The following RXRA variants were observed in gnomAD, a reference collection of about 807,000 sequenced individuals.
The protein encoded by RXRA is retinoid X receptor alpha, also known as retinoic acid receptor RXR-alpha.
RXRA carries 5 observed loss-of-function variants against 44.5 expected under a neutral mutation model. That is an observed-to-expected ratio of 0.11 (90% confidence interval 0.06 to 0.24). The LOEUF (loss-of-function observed/expected upper bound fraction) is 0.24, where lower values mean the gene tolerates loss of function less well. RXRA is among the 10% of genes least tolerant of loss of function. RXRA has a pLI of 1.00. For synonymous variants in RXRA, 291 were observed against 271.4 expected (o/e 1.07, Z -0.71); for missense variants, 412 against 646.5 (o/e 0.64, Z 3.93).
chr9:134,401,811 T>A lies in RXRA; in HGVS notation c.208T>A (p.Ser70Thr). The A allele has an allele frequency of 6.2e-7, 1 of 1,611,846 alleles. No individual in the cohort carries two copies. Among genetic ancestry groups the A allele is most frequent in the South Asian group, 1.1e-5 (1 of 90,966 alleles). The change falls in exon 2 of 10, where the codon TCC becomes ACC. Residue 70 changes from serine (S) to threonine (T), a missense_variant. By Grantham distance (58) the Ser-to-Thr change is moderately conservative. Coordinates refer to ENST00000481739, the MANE Select transcript of RXRA (RefSeq NM_002957.6). ...GMGPPFSVIS[S>T]PMGPHSMSVP... ...GGGCCCGCCTTTCTCGGTCATCAGC[T>A]CCCCCATGGGCCCCCACTCCATGTC...
At chr9:134,400,154 C>G (rs926168017) in intron 1 of RXRA, among the ~76,000 whole-genome samples, 5 of 152,206 alleles carry the variant, frequency 3.3e-5, no homozygotes, top group African/African-American at 1.2e-4. Context: ...AAGCTCATGC[C>G]ATGTCTTCCT....
At position 134,436,722 on chromosome 9, in the gene RXRA, T is replaced by G; in HGVS notation, c.*108T>G. On this transcript the variant is annotated 3_prime_UTR_variant, in exon 10 of 10. Transcript: ENST00000481739. Reference sequence around the variant, plus strand: ...CCTGCCCTTCTCTGCCTGGCCTGTTTGGACTTTGGGGCACAGCCTGTCACT... The same window carrying G: ...CCTGCCCTTCTCTGCCTGGCCTGTTGGGACTTTGGGGCACAGCCTGTCACT... The G allele has an allele frequency of 7.5e-7, 1 of 1,330,688 alleles. No homozygotes were observed. The highest frequency in any genetic ancestry group is 1.0e-6 in the Non-Finnish European group (1 of 960,362). The allele number at this position is 1,330,688 out of a possible 1,614,324, so 82.4% of individuals were successfully genotyped here. A position where few individuals can be genotyped will look rare whatever the true frequency, so the allele number is the denominator to read the frequency against.
At chr9:134,400,927 G>A (rs7869783) in intron 1 of RXRA, among the ~76,000 whole-genome samples, 20,343 of 152,176 alleles carry the variant, frequency 0.13, 4,468 homozygotes, top group African/African-American at 0.46. Flanking sequence ...GGGCCTGAGC[G>A]TCCGGTGCCC....
At chr9:134,386,989 A>G (rs1257105129) in intron 1 of RXRA, among the ~76,000 whole-genome samples, 1 of 152,156 alleles carries the variant, frequency 6.6e-6, no homozygotes, top group Non-Finnish European at 1.5e-5. Context: ...TCCTGGGCCC[A>G]GCGTTGGGAC....
chr9:134,427,001 G>A, intron 6 of RXRA: 1 of 985,126 alleles, frequency 1.0e-6, no homozygotes, highest in Non-Finnish European at 1.2e-6. Context: ...AGCCGTAGGA[G>A]GGGCAGGAGT....
rs1452359374 is a variant in RXRA at position 134,425,981 on chromosome 9, C to T, written c.911-3127C>T. The T allele has an allele frequency of 6.1e-6, 6 of 985,304 alleles. No homozygotes were observed. In the East Asian group the frequency reaches 3.4e-4, roughly 56 times the overall value. The allele number at this position is 985,304 out of a possible 1,614,324, so 61.0% of individuals were successfully genotyped here. A position where few individuals can be genotyped will look rare whatever the true frequency, so the allele number is the denominator to read the frequency against. On this transcript the variant is annotated intron_variant, in intron 6 of 9. Transcript: ENST00000481739. ...GAGGCCCCAGCTTCCCCACCTGACC[C>T]TTGACTCTGTGCTGTTCCTTCCGGA...
chr9:134,408,073 C>T, intron 2 of RXRA, 76 bp from the exon 3 acceptor site: 1 of 1,164,314 alleles, frequency 8.6e-7, no homozygotes. Flanking sequence ...CTGCGCCATC[C>T]TTGCTGCAGG....
rs377157231 is a variant in RXRA, at chr9:134,343,576, C to T, written c.28+16917C>T. The stretch of plus-strand genomic sequence containing the variant: ...ACCATCCTAGGACCTAGAAATTGCT[C>T]GGGGCCAGGAAGCGAGACCAGTCAC... On this transcript the variant is annotated intron_variant, in intron 1 of 9. Coordinates refer to ENST00000481739, the MANE Select transcript of RXRA (RefSeq NM_002957.6). The surrounding 1 kb of genome is among the most constrained non-coding windows in gnomAD (Gnocchi z 4.1). 8.0e-4 allele frequency among the ~76,000 whole-genome samples: 122 copies of T among 152,152 alleles called. No homozygotes were observed. The highest frequency in any genetic ancestry group is 6.8e-4 in the Non-Finnish European group (46 of 67,996).
chr9:134,423,984 G>A (rs899438375), intron 6 of RXRA: 43 of 982,550 alleles, frequency 4.4e-5, no homozygotes, highest in Non-Finnish European at 5.2e-5. Context: ...GGTCCGAGTC[G>A]GGTTGGATGG....
chr9:134,397,619 G>A (rs1225234456), intron 1 of RXRA, among the ~76,000 whole-genome samples: 2 of 152,208 alleles, frequency 1.3e-5, no homozygotes, highest in African/African-American at 2.4e-5. Flanking sequence ...CTGCTCTTCC[G>A]TTTAGCCCTG....
intron 1 of RXRA, among the ~76,000 whole-genome samples, chr9:134,339,986 T>C (rs992967461): frequency 2.0e-5 from 3 of 152,296 alleles, no homozygotes; most frequent in Admixed American, 2.0e-4. Context: ...TGCATGTGTG[T>C]TCCTCTGTGC....
Position 134,365,771 on chromosome 9 carries a change from G to A in RXRA, c.29-35861G>A, listed in dbSNP as rs1026516997. 6.6e-6 allele frequency among the ~76,000 whole-genome samples: 1 copy of A among 151,944 alleles called. No individual in the cohort carries two copies. The highest frequency in any genetic ancestry group is 2.4e-5 in the African/African-American group (1 of 41,358). The stretch of plus-strand genomic sequence containing the variant: ...GTGGGGCCAGCTGTCGGTGGGTGAG[G>A]TGCCCCAGGGGAAGGGAGGGCCAGC... On this transcript the variant is annotated intron_variant, in intron 1 of 9. Coordinates refer to ENST00000481739, the MANE Select transcript of RXRA (RefSeq NM_002957.6). The surrounding 1 kb of genome is among the most constrained non-coding windows in gnomAD (Gnocchi z 4.0).
At chr9:134,353,793 G>T (rs528672846) in intron 1 of RXRA, among the ~76,000 whole-genome samples, 2 of 152,222 alleles carry the variant, frequency 1.3e-5, no homozygotes, top group African/African-American at 4.8e-5. Flanking sequence ...CGTTGGGGCC[G>T]TGCCTGTTGG....
intron 1 of RXRA, among the ~76,000 whole-genome samples, chr9:134,364,238 C>T: frequency 6.6e-6 from 1 of 152,244 alleles, no homozygotes; most frequent in East Asian, 1.9e-4. Flanking sequence ...GGATGAGGTG[C>T]AAAAGCCGTG....
chr9:134,392,099 C>T (rs1349165355), intron 1 of RXRA, among the ~76,000 whole-genome samples: 7 of 152,186 alleles, frequency 4.6e-5, no homozygotes, highest in African/African-American at 1.4e-4. Flanking sequence ...GGGCAAGCCC[C>T]GGTGTCAGAG....
At chr9:134,386,778 T>A (rs1588279674) in intron 1 of RXRA, among the ~76,000 whole-genome samples, 1 of 152,152 alleles carries the variant, frequency 6.6e-6, no homozygotes, top group East Asian at 1.9e-4. Flanking sequence ...TCAGGCCACT[T>A]TGTTCCAGAA....
intron 1 of RXRA, among the ~76,000 whole-genome samples, chr9:134,363,346 G>A (rs1345563903): frequency 6.6e-6 from 1 of 152,238 alleles, no homozygotes. Context: ...GGTGGGCCCT[G>A]TCCACCCACC....
rs1369913344 is a variant in RXRA, at chr9:134,433,400, A to C, written c.1136-702A>C. 6.6e-6 allele frequency among the ~76,000 whole-genome samples: 1 copy of C among 152,150 alleles called. No individual in the cohort carries two copies. Among genetic ancestry groups the C allele is most frequent in the Admixed American group, 6.5e-5 (1 of 15,290 alleles). ...GCAGGGAAAGCGAAGAGACCAGGGCACAGGCATGCAGGGAGGGCGAGGAGA... is the reference window on the plus strand; with the variant it reads ...GCAGGGAAAGCGAAGAGACCAGGGCCCAGGCATGCAGGGAGGGCGAGGAGA... On this transcript the variant is annotated intron_variant, in intron 8 of 9. Transcript: ENST00000481739. The surrounding 1 kb of genome is among the most constrained non-coding windows in gnomAD (Gnocchi z 4.2).
chr9:134,423,763 C>A (rs1831387037), intron 6 of RXRA: 1 of 985,206 alleles, frequency 1.0e-6, no homozygotes, highest in Non-Finnish European at 1.2e-6. Flanking sequence ...TGCAGGGGCT[C>A]CCCCAGAACC....
Sources: allele counts gnomAD v4.1 joint callset (sites outside exome capture counted in the v4.1 genomes callset), GRCh38; gene constraint gnomAD v4.1.1; non-coding constraint Gnocchi (gnomAD v3.1); transcripts MANE v1.5; gene names NCBI Gene and HGNC (gene_info 2026-07-23, HGNC 2026-07-21).